CCDC178: variants seen among roughly 807,000 people sequenced by gnomAD.
CCDC178 encodes the protein coiled-coil domain containing 178.
CCDC178 carries 126 observed loss-of-function variants against 117.4 expected under a neutral mutation model. The ratio of observed to expected loss-of-function variants is 1.07; its 90% CI spans 0.93 to 1.24. The LOEUF is 1.24. Ranked by LOEUF, CCDC178 falls within the 50% of genes most tolerant of loss-of-function variation. CCDC178 has a pLI of 0.00. For missense variants in CCDC178, 1,030 were observed against 986.9 expected (o/e 1.04, Z -0.59); for synonymous variants, 283 against 313.4 (o/e 0.90, Z 1.02).
chr18:33,343,404 C>CA (rs2062843345), intron 9 of CCDC178, among the ~76,000 whole-genome samples: 1 of 152,076 alleles, frequency 6.6e-6, no homozygotes, highest in Non-Finnish European at 1.5e-5. Context: ...ATAGGAAAAA[C>CA]AAAAAGCATT....
chr18:33,226,711 G>T, intron 16 of CCDC178, 82 bp downstream of exon 16: 1 of 912,378 alleles, frequency 1.1e-6, no homozygotes, highest in Non-Finnish European at 1.7e-6. Context: ...GTGACAAGAT[G>T]CCTCATTACA....
chr18:33,229,826 T>C (rs1237537964), intron 15 of CCDC178, among the ~76,000 whole-genome samples: 1 of 152,172 alleles, frequency 6.6e-6, no homozygotes, highest in Non-Finnish European at 1.5e-5. Flanking sequence ...ACTGAGACTT[T>C]GGGTGAAAGG....
In CCDC178 at chr18:33,293,272, A is replaced by T. The variant is rs2062060867; in HGVS notation, c.1063T>A (p.Ser355Thr). Residue 355 changes from serine to threonine, a missense_variant, in exon 12 of 23, where the codon TCT (serine) becomes ACT (threonine). Transcript: ENST00000383096. ...YQLNSLFDHYSSSVINVNTNI... is the reference protein window; with the variant it reads ...YQLNSLFDHYTSSVINVNTNI... Reference sequence around the variant, plus strand: ...GTATTAACATTTATCACTGATGAAGAGTAATGATCAAATAGACTGTTAAGT... The same window carrying T: ...GTATTAACATTTATCACTGATGAAGTGTAATGATCAAATAGACTGTTAAGT... 1 of 1,545,196 alleles carries T rather than the reference A, an allele frequency of 6.5e-7. No homozygotes were observed. The highest frequency in any genetic ancestry group is 8.9e-7 in the Non-Finnish European group (1 of 1,121,564).
At chr18:33,263,159 A>G (rs1436329491) in intron 14 of CCDC178, among the ~76,000 whole-genome samples, 2 of 152,204 alleles carry the variant, frequency 1.3e-5, no homozygotes, top group Non-Finnish European at 2.9e-5. Flanking sequence ...ATAACACTCA[A>G]GTTAGCACAG....
chr18:33,019,334 T>C (rs1263193502), intron 21 of CCDC178, among the ~76,000 whole-genome samples: 2 of 152,216 alleles, frequency 1.3e-5, no homozygotes, highest in Non-Finnish European at 2.9e-5. Context: ...TTAACACTTG[T>C]ATATAAATGT....
At chr18:33,059,656 CT>C (rs1281927422) in intron 21 of CCDC178, among the ~76,000 whole-genome samples, 1 of 152,088 alleles carries the variant, frequency 6.6e-6, no homozygotes, top group Non-Finnish European at 1.5e-5. Context: ...GTGCCCTTCA[CT>C]TTCCTTACAT....
chr18:33,292,933 T>C (rs997497227), intron 12 of CCDC178, among the ~76,000 whole-genome samples: 1 of 152,100 alleles, frequency 6.6e-6, no homozygotes, highest in Non-Finnish European at 1.5e-5. Context: ...TGAGCCATGC[T>C]GTGCCCAGAC....
At chr18:33,138,058 T>A (rs574218337) in intron 20 of CCDC178, among the ~76,000 whole-genome samples, 17 of 152,318 alleles carry the variant, frequency 1.1e-4, no homozygotes, top group African/African-American at 4.1e-4. Flanking sequence ...CCTAACCTAG[T>A]CTCACATGAG....
chr18:33,393,499 C>G (rs1344992426), intron 4 of CCDC178, among the ~76,000 whole-genome samples: 1 of 152,124 alleles, frequency 6.6e-6, no homozygotes, highest in Non-Finnish European at 1.5e-5. Context: ...GAAAGTTTCT[C>G]ATCTACTATA....
At chr18:33,081,588 A>G (rs175378) in intron 21 of CCDC178, among the ~76,000 whole-genome samples, 21,688 of 152,208 alleles carry the variant, frequency 0.14, 2,396 homozygotes, top group African/African-American at 0.31. Flanking sequence ...CTTTTTCTAT[A>G]TACATCATGC....
intron 15 of CCDC178, among the ~76,000 whole-genome samples, chr18:33,231,071 T>C (rs757934467): frequency 7.2e-5 from 11 of 152,212 alleles, no homozygotes; most frequent in Non-Finnish European, 1.6e-4. Flanking sequence ...ATCACTCAAT[T>C]GATTACTTAT....
At chr18:33,436,591 A>G (rs2144988714) in intron 2 of CCDC178, among the ~76,000 whole-genome samples, 1 of 152,332 alleles carries the variant, frequency 6.6e-6, no homozygotes. Context: ...CCCTTGGCCA[A>G]TGCTGTAAAA....
At chr18:32,966,129 T>C (rs1167731035) in intron 22 of CCDC178, among the ~76,000 whole-genome samples, 1 of 151,714 alleles carries the variant, frequency 6.6e-6, no homozygotes, top group Non-Finnish European at 1.5e-5. Flanking sequence ...ACAAAATAGA[T>C]ATACAAAATA....
In CCDC178 at chr18:33,397,165, C is replaced by T; in HGVS notation, c.102G>A (p.Trp34Ter). 6.2e-7 allele frequency: 1 copy of T among 1,605,522 alleles called. No homozygotes were observed. Among genetic ancestry groups the T allele is most frequent in the African/African-American group, 1.3e-5 (1 of 74,824 alleles). The change falls in exon 4 of 23, where the codon TGG becomes TGA. Residue 34 changes from tryptophan (W) to a stop codon, truncating the protein, a stop_gained. Transcript: ENST00000383096. LOFTEE classifies it high-confidence loss of function. ...QEVKALREKA[W>*]SRTNEGNAMS... ...GTTGGATACCTTCATTTGTCCTTGA[C>T]CATGCCTTCTCTCTGAGAGCCTTTA...
At chr18:33,356,194 T>C in intron 7 of CCDC178, 130 bp downstream of exon 7, 1 of 907,364 alleles carries the variant, frequency 1.1e-6, no homozygotes, top group Non-Finnish European at 1.6e-6. Context: ...AAAAATATAT[T>C]GCAATATCTA....
At chr18:32,981,927 G>A (rs2055161938) in intron 21 of CCDC178, among the ~76,000 whole-genome samples, 1 of 152,058 alleles carries the variant, frequency 6.6e-6, no homozygotes, top group African/African-American at 2.4e-5. Context: ...ATATTTTCAT[G>A]AGAATTTGAA....
chr18:32,950,690 A>C (rs2054462759), intron 22 of CCDC178, among the ~76,000 whole-genome samples: 1 of 152,156 alleles, frequency 6.6e-6, no homozygotes, highest in Admixed American at 6.5e-5. Context: ...AGCTACTTGA[A>C]GTTAGTAATA....
intron 20 of CCDC178, among the ~76,000 whole-genome samples, chr18:33,159,713 A>G (rs2058440743): frequency 6.6e-6 from 1 of 152,104 alleles, no homozygotes. Context: ...GTAAGATTAC[A>G]TTCACAGGTT....
At chr18:33,274,064 T>A (rs1568106711) in intron 12 of CCDC178, among the ~76,000 whole-genome samples, 2 of 151,636 alleles carry the variant, frequency 1.3e-5, no homozygotes, top group South Asian at 4.1e-4. Flanking sequence ...AAGAACGGAA[T>A]ATAAAATGGA....
Sources: allele counts gnomAD v4.1 joint callset (sites outside exome capture counted in the v4.1 genomes callset), GRCh38; gene constraint gnomAD v4.1.1; transcripts MANE v1.5; gene names NCBI Gene and HGNC (gene_info 2026-07-23, HGNC 2026-07-21).